Variants in SEMA4B observed in about 807,000 individuals in gnomAD.
SEMA4B encodes the protein semaphorin 4B.
SEMA4B carries 55 observed loss-of-function variants against 88.1 expected under a neutral mutation model. The ratio of observed to expected loss-of-function variants is 0.62; its 90% confidence interval spans 0.50 to 0.78. SEMA4B has a LOEUF of 0.78. SEMA4B is among the 30% of genes least tolerant of loss of function. The pLI is 0.00. For missense variants in SEMA4B, 1,062 were observed against 1,111.9 expected, an observed-to-expected ratio of 0.96 and a Z score of 0.64; for synonymous variants, 525 against 473.6, an observed-to-expected ratio of 1.11 and a Z score of -1.41.
intron 12 of SEMA4B, 47 bp from the exon 13 acceptor site, chr15:90,227,510 G>C (rs980027490): frequency 5.7e-6 from 9 of 1,582,430 alleles, no homozygotes; most frequent in Admixed American, 1.7e-5. Flanking sequence ...GGGAATGTGA[G>C]CTCAGGGGAC....
At chr15:90,196,790 T>C (rs938948915), upstream of SEMA4B, among the ~76,000 whole-genome samples, 1 of 152,178 alleles carries the variant, frequency 6.6e-6, no homozygotes, top group Non-Finnish European at 1.5e-5. Flanking sequence ...CCCGGCCTCT[T>C]CTACATTATT....
At chr15:90,224,021 G>T in intron 9 of SEMA4B, 33 bp downstream of exon 9, 1 of 1,586,752 alleles carries the variant, frequency 6.3e-7, no homozygotes. Flanking sequence ...CAGAAGGGGT[G>T]CCGGGAAGAT....
exon 1 of SEMA4B, chr15:90,185,044 G>A: frequency 1.0e-6 from 1 of 985,484 alleles, no homozygotes; most frequent in Non-Finnish European, 1.2e-6. Flanking sequence ...CGGCCCCGCG[G>A]GGGGCGATGA....
chr15:90,220,371 T>C (rs181994886), intron 4 of SEMA4B, among the ~76,000 whole-genome samples: 2,978 of 137,908 alleles, frequency 0.022, 143 homozygotes, highest in African/African-American at 0.071. Context: ...TCTTTTCTTT[T>C]TTTTTTTTTT....
chr15:90,225,454 A>C lies in SEMA4B; in HGVS notation c.1521+57A>C, dbSNP rs1401576952. 3 of 1,467,460 alleles carry C rather than the reference A, an allele frequency of 2.0e-6. No individual in the cohort carries two copies. The Admixed American group carries it at 5.9e-5, about 29-fold the overall frequency. The allele number at this position is 1,467,460 out of a possible 1,614,324, so 90.9% of individuals were successfully genotyped here. On this transcript the variant is annotated intron_variant, in intron 11 of 13. Coordinates refer to ENST00000411539, the MANE Select transcript of SEMA4B (RefSeq NM_198925.4). ...TACTTGGGGGGTGCCCTCCATTAGC[A>C]CCAAGCAGTCCCCACCCAGCTTCTC...
chr15:90,228,535 G>A lies in SEMA4B; in HGVS notation c.2406G>A (p.Glu802=). 1 of 1,612,916 alleles carries A rather than the reference G, an allele frequency of 6.2e-7. No individual in the cohort carries two copies. The highest frequency in any genetic ancestry group is 8.5e-7 in the Non-Finnish European group (1 of 1,179,540). ...CCCCGGGGTCCCGAGTCTTCACTGA[G>A]TCAGAGAAGAGGCCACTCAGCATCC... The part of the protein sequence containing the change: ...DSPPGSRVFT[E]SEKRPLSIQD... Residue 802 remains glutamate (E), a synonymous_variant, in exon 14 of 14, where the codon GAG becomes GAA. Transcript: ENST00000411539.
At position 90,228,699 on chromosome 15, in the gene SEMA4B, G is replaced by C; in HGVS notation, c.*56G>C. 1 of 1,603,778 alleles carries C rather than the reference G, an allele frequency of 6.2e-7. No individual in the cohort carries two copies. The highest frequency in any genetic ancestry group is 1.1e-5 in the South Asian group (1 of 90,476). On this transcript the variant is annotated 3_prime_UTR_variant, in exon 14 of 14. Transcript: ENST00000411539. ...TTCAGGGGCTGTGAATGCTCGGAGAGGGTCAACTGGACCTCCCCTCCGCTC... is the reference window on the plus strand; with the variant it reads ...TTCAGGGGCTGTGAATGCTCGGAGACGGTCAACTGGACCTCCCCTCCGCTC...
At position 90,228,541 on chromosome 15, in the gene SEMA4B, GAA is replaced by G. The variant is rs1962325735; in HGVS notation, c.2413_2414del (p.Lys805GlufsTer29). 6.2e-7 allele frequency: 1 copy of G among 1,612,988 alleles called. No individual in the cohort carries two copies. The highest frequency in any genetic ancestry group is 8.5e-7 in the Non-Finnish European group (1 of 1,179,536). ...GGTCCCGAGTCTTCACTGAGTCAGA[GAA>G]GAGGCCACTCAGCATCCAAGACAGC... The part of the protein sequence containing the change: ...PGSRVFTESE[K>X]RPLSIQDSFV... On this transcript the variant is annotated frameshift_variant, in exon 14 of 14. Transcript: ENST00000411539. LOFTEE classifies it high-confidence loss of function.
At chr15:90,209,692 G>A (rs1961166078) in intron 1 of SEMA4B, among the ~76,000 whole-genome samples, 2 of 152,194 alleles carry the variant, frequency 1.3e-5, no homozygotes, top group African/African-American at 4.8e-5. Context: ...ATGGGCATAC[G>A]GAGAAGGGCC....
chr15:90,190,214 C>T (rs1423784001), intron 1 of SEMA4B: 1 of 152,256 alleles, frequency 6.6e-6, no homozygotes, highest in Non-Finnish European at 1.5e-5. Flanking sequence ...CTCACATCAG[C>T]TTTCTGTGAG....
chr15:90,203,185 G>T (rs987210438), intron 1 of SEMA4B, among the ~76,000 whole-genome samples: 1 of 152,222 alleles, frequency 6.6e-6, no homozygotes, highest in African/African-American at 2.4e-5. Context: ...TGTACATCTT[G>T]CCCAGATCTG....
chr15:90,204,344 T>C (rs953447237), intron 1 of SEMA4B, among the ~76,000 whole-genome samples: 26 of 152,336 alleles, frequency 1.7e-4, no homozygotes, highest in African/African-American at 5.8e-4. Flanking sequence ...GTCTGTGGTT[T>C]AAAACAAAAT....
chr15:90,201,296 C>T (rs1007431560), upstream of SEMA4B: 114 of 1,120,314 alleles, frequency 1.0e-4, no homozygotes, highest in Admixed American at 2.0e-4. Flanking sequence ...GCCGGGCTCA[C>T]GGCCGACTTC....
chr15:90,222,400 T>A (rs1961908252), intron 7 of SEMA4B, among the ~76,000 whole-genome samples: 1 of 151,248 alleles, frequency 6.6e-6, no homozygotes. Context: ...TAAAACCCCA[T>A]CTCTACTAAT....
At chr15:90,217,713 AG>A in intron 2 of SEMA4B, 53 bp from the exon 3 acceptor site, 1 of 1,600,316 alleles carries the variant, frequency 6.2e-7, no homozygotes, top group Non-Finnish European at 8.6e-7. Flanking sequence ...GAGAGGAGGG[AG>A]GCTCAGCAAA....
rs11547965 is a variant in SEMA4B at position 90,225,115 on chromosome 15, C to T, written c.1342C>T (p.Arg448Cys). The change falls in exon 10 of 14, where the codon CGC becomes TGC. Residue 448 changes from arginine (R) to cysteine (C), a missense_variant. Arg to Cys is a radical substitution (Grantham distance 180). Transcript: ENST00000411539. ...LLLQPQARYQ[R>C]VAVHRVPGLH... The stretch of plus-strand genomic sequence containing the variant: ...GCTGCAGCCCCAGGCTCGCTACCAG[C>T]GCGTGGCTGTACACCGCGTCCCTGG... 2.7e-5 allele frequency: 44 copies of T among 1,613,534 alleles called. No homozygotes were observed. The highest frequency in any genetic ancestry group is 1.6e-4 in the East Asian group (7 of 44,894).
chr15:90,197,053 C>T (rs6496643), upstream of SEMA4B, among the ~76,000 whole-genome samples: 28,016 of 151,966 alleles, frequency 0.18, 3,145 homozygotes, highest in African/African-American at 0.31. Context: ...CTTACATTCA[C>T]CCAAAGAATC....
Position 90,228,550 on chromosome 15 carries a change from A to T in SEMA4B, c.2421A>T (p.Pro807=), listed in dbSNP as rs1005448619. ...TCTTCACTGAGTCAGAGAAGAGGCC[A>T]CTCAGCATCCAAGACAGCTTCGTGG... ...SRVFTESEKR[P]LSIQDSFVEV... Residue 807 remains proline, a synonymous_variant, in exon 14 of 14, where the codon CCA becomes CCT. Transcript: ENST00000411539. 1 of 1,613,084 alleles carries T rather than the reference A, an allele frequency of 6.2e-7. No homozygotes were observed. The highest frequency in any genetic ancestry group is 1.3e-5 in the African/African-American group (1 of 75,034).
Position 90,228,743 on chromosome 15 carries a change from A to G in SEMA4B, c.*100A>G, listed in dbSNP as rs528399329. On this transcript the variant is annotated 3_prime_UTR_variant, in exon 14 of 14. Coordinates refer to ENST00000411539, the MANE Select transcript of SEMA4B (RefSeq NM_198925.4). Reference sequence around the variant, plus strand: ...TCCGCTCTGCTCTTCGTGGAACACGACCGTGGTGCCCGGCCCTTGGGAGCC... The same window carrying G: ...TCCGCTCTGCTCTTCGTGGAACACGGCCGTGGTGCCCGGCCCTTGGGAGCC... 4.2e-4 allele frequency: 632 copies of G among 1,503,472 alleles called. No homozygotes were observed. Among genetic ancestry groups the G allele is most frequent in the Non-Finnish European group, 5.3e-4 (586 of 1,110,780 alleles). 93.1% of individuals were successfully genotyped at this position (1,503,472 alleles called of 1,614,324 possible). A position where few individuals can be genotyped will look rare whatever the true frequency, so the allele number is the denominator to read the frequency against.
Sources: allele counts gnomAD v4.1 joint callset (sites outside exome capture counted in the v4.1 genomes callset), GRCh38; gene constraint gnomAD v4.1.1; transcripts MANE v1.5; gene names NCBI Gene and HGNC (gene_info 2026-07-23, HGNC 2026-07-21).